CD274: variants seen among roughly 807,000 people sequenced by gnomAD.
The protein encoded by CD274 is programmed cell death 1 ligand 1.
In CD274, 8 loss-of-function variants were observed where a neutral mutation model predicts 30.1. The ratio of observed to expected loss-of-function variants is 0.27; its 90% CI spans 0.16 to 0.48. CD274 has a LOEUF of 0.48. Among genes scored for constraint, CD274 ranks in the 20% least tolerant of loss-of-function variants. CD274 has a pLI of 0.99. For missense variants in CD274, 353 were observed against 346.6 expected, an observed-to-expected ratio of 1.02 and a Z score of -0.15; for synonymous variants, 152 against 124.6, an observed-to-expected ratio of 1.22 and a Z score of -1.46.
At chr9:5,457,014 T>G in intron 2 of CD274, 65 bp from the exon 3 acceptor site, 1 of 1,115,254 alleles carries the variant, frequency 9.0e-7, no homozygotes. Flanking sequence ...ATAAACGCTG[T>G]GCCAATTTTG....
In CD274 at chr9:5,456,096, T is replaced by C. The variant is rs1320975664; in HGVS notation, c.-14-4T>C. The C allele has an allele frequency of 6.4e-7, 1 of 1,572,800 alleles. No homozygotes were observed. The highest frequency in any genetic ancestry group is 8.7e-7 in the Non-Finnish European group (1 of 1,143,280). On this transcript the variant is annotated splice_region_variant and splice_polypyrimidine_tract_variant and intron_variant, in intron 1 of 6. Coordinates refer to ENST00000381577, the MANE Select transcript of CD274 (RefSeq NM_014143.4). ...AGTCTTCTTTTCGTGTTTTCCATAA[T>C]TAGGGCATTCCAGAAAGATGAGGAT... is the stretch of plus-strand genomic sequence containing the variant.
intron 5 of CD274, among the ~76,000 whole-genome samples, chr9:5,466,309 G>T (rs1219623466): frequency 6.6e-6 from 1 of 152,122 alleles, no homozygotes; most frequent in Admixed American, 6.5e-5. Context: ...TGAGAGAGTA[G>T]AGATAAGCTG....
chr9:5,463,486 G>C (rs991872450), intron 4 of CD274, among the ~76,000 whole-genome samples: 5 of 152,162 alleles, frequency 3.3e-5, no homozygotes, highest in African/African-American at 1.2e-4. Flanking sequence ...GGGAAACCTG[G>C]GGAATACCTG....
At chr9:5,457,495 G>T (rs1819327870) in intron 3 of CD274, 75 bp downstream of exon 3, 4 of 1,167,614 alleles carry the variant, frequency 3.4e-6, no homozygotes, top group African/African-American at 1.5e-5. Context: ...TTTCATTCTT[G>T]TAAGTCCATA....
rs1453447442 is a variant in CD274, at chr9:5,469,138, T to G, written c.*1276T>G. On this transcript the variant is annotated 3_prime_UTR_variant, in exon 7 of 7. Coordinates refer to ENST00000381577, the MANE Select transcript of CD274 (RefSeq NM_014143.4). ...CTTAATAATCAGAGTAATTTTCATT[T>G]ACAAAGAGAGGTCGGTACTTAAAAT... The G allele has an allele frequency of 4.3e-6, 1 of 233,146 alleles. No individual in the cohort carries two copies. 14.4% of individuals were successfully genotyped at this position (233,146 alleles called of 1,614,324 possible).
chr9:5,454,166 G>T (rs537685299), intron 1 of CD274, among the ~76,000 whole-genome samples: 1 of 152,210 alleles, frequency 6.6e-6, no homozygotes, highest in South Asian at 2.1e-4. Flanking sequence ...AAGGTGAAGT[G>T]ATTCATGAAA....
chr9:5,462,989 T>G lies in CD274; in HGVS notation c.550T>G (p.Ser184Ala). ...VLSGKTTTTN[S>A]KREEKLFNVT... ...GAGTGGTAAGACCACCACCACCAAT[T>G]CCAAGAGAGAGGAGAAGCTTTTCAA... The change falls in exon 4 of 7, where the codon TCC becomes GCC. Residue 184 changes from serine to alanine, a missense_variant. Coordinates refer to ENST00000381577, the MANE Select transcript of CD274 (RefSeq NM_014143.4). The G allele has an allele frequency of 1.2e-6, 2 of 1,613,892 alleles. No homozygotes were observed. The highest frequency in any genetic ancestry group is 8.5e-7 in the Non-Finnish European group (1 of 1,179,900).
At chr9:5,454,454 G>A (rs1167157459) in intron 1 of CD274, among the ~76,000 whole-genome samples, 1 of 151,726 alleles carries the variant, frequency 6.6e-6, no homozygotes, top group Non-Finnish European at 1.5e-5. Context: ...TACATGTAGT[G>A]TTCTGCAACT....
chr9:5,463,262 AT>A, intron 4 of CD274, 141 bp downstream of exon 4: 1 of 663,180 alleles, frequency 1.5e-6, no homozygotes, highest in Admixed American at 2.8e-5. Context: ...ATATATCCTA[AT>A]TCCTCACCTC....
At chr9:5,457,451 C>A (rs2131213224) in intron 3 of CD274, 31 bp downstream of exon 3, 1 of 1,552,648 alleles carries the variant, frequency 6.4e-7, no homozygotes, top group Non-Finnish European at 8.9e-7. Flanking sequence ...GAGGCCTGAT[C>A]TTTATTGAAA....
intron 3 of CD274, among the ~76,000 whole-genome samples, chr9:5,458,383 C>G (rs1819344800): frequency 6.6e-6 from 1 of 152,174 alleles, no homozygotes; most frequent in African/African-American, 2.4e-5. Flanking sequence ...TTTGGATATC[C>G]CTTCCATATC....
At chr9:5,451,571 A>G (rs1819203336) in intron 1 of CD274, among the ~76,000 whole-genome samples, 1 of 152,240 alleles carries the variant, frequency 6.6e-6, no homozygotes, top group Non-Finnish European at 1.5e-5. Context: ...CGTCAACAGT[A>G]TTTAAGGAGA....
intron 3 of CD274, among the ~76,000 whole-genome samples, chr9:5,460,454 C>T (rs1819384575): frequency 6.6e-6 from 1 of 152,078 alleles, no homozygotes; most frequent in South Asian, 2.1e-4. Flanking sequence ...GAGTATTTTT[C>T]ACATTTTGTT....
At chr9:5,463,333 C>T (rs1438345863) in intron 4 of CD274, 4 of 567,634 alleles carry the variant, frequency 7.0e-6, no homozygotes, top group Admixed American at 6.1e-5. Flanking sequence ...TGGAATATAC[C>T]TTTTGTTCCA....
At chr9:5,457,013 G>C (rs1029922966) in intron 2 of CD274, 66 bp from the exon 3 acceptor site, 3 of 1,106,684 alleles carry the variant, frequency 2.7e-6, no homozygotes, top group African/African-American at 3.1e-5. Context: ...TATAAACGCT[G>C]TGCCAATTTT....
At chr9:5,457,708 G>A (rs942305656) in intron 3 of CD274, among the ~76,000 whole-genome samples, 14 of 152,084 alleles carry the variant, frequency 9.2e-5, no homozygotes, top group African/African-American at 2.7e-4. Flanking sequence ...AATGGAATAC[G>A]TATACTTGCA....
chr9:5,457,229 T>G lies in CD274; in HGVS notation c.203T>G (p.Val68Gly). The G allele has an allele frequency of 6.2e-7, 1 of 1,614,126 alleles. No homozygotes were observed. ...EMEDKNIIQF[V>G]HGEEDLKVQH... The stretch of plus-strand genomic sequence containing the variant: ...GAGGATAAGAACATTATTCAATTTG[T>G]GCATGGAGAGGAAGACCTGAAGGTT... Residue 68 changes from valine to glycine, a missense_variant, in exon 3 of 7, where the codon GTG (valine) becomes GGG (glycine). Physicochemically the swap from Val to Gly is moderately radical, Grantham distance 109. Coordinates refer to ENST00000381577, the MANE Select transcript of CD274 (RefSeq NM_014143.4).
intron 6 of CD274, 133 bp from the exon 7 acceptor site, chr9:5,467,707 C>G: frequency 1.2e-6 from 1 of 810,022 alleles, no homozygotes; most frequent in South Asian, 1.4e-5. Context: ...CAAATATAAC[C>G]TGCTGCTTTC....
rs557147437 is a variant in CD274, at chr9:5,450,835, C to T, written c.-15+239C>T. On this transcript the variant is annotated intron_variant, in intron 1 of 6. Coordinates refer to ENST00000381577, the MANE Select transcript of CD274 (RefSeq NM_014143.4). ...AGTTTTGCTCTAAAAATAATTTATA[C>T]CTCTAAAAATAAATAAGATAGGTAG... 2.0e-5 allele frequency among the ~76,000 whole-genome samples: 3 copies of T among 152,280 alleles called. No individual in the cohort carries two copies. The East Asian group carries it at 5.8e-4, about 29-fold the overall frequency.
Sources: gnomAD v4.1 joint callset for allele counts (sites outside exome capture counted in the v4.1 genomes callset) on GRCh38, gnomAD v4.1.1 for gene constraint, MANE v1.5 for transcripts, NCBI Gene and HGNC (gene_info 2026-07-23, HGNC 2026-07-21) for gene names.